Variants in ESYT2 observed in about 807,000 individuals in gnomAD.
ESYT2 encodes the protein extended synaptotagmin-2.
A neutral mutation model predicts 107.2 loss-of-function variants in ESYT2; 54 were observed. The ratio of observed to expected loss-of-function variants is 0.50; its 90% CI spans 0.40 to 0.63. The LOEUF is 0.63. ESYT2 is among the 30% of genes least tolerant of loss of function. The pLI is 0.00. For missense variants in ESYT2, 1,020 were observed against 1,094.5 expected (o/e 0.93, Z 0.96); for synonymous variants, 491 against 434.1 (o/e 1.13, Z -1.63).
Position 158,776,510 on chromosome 7 carries a change from G to A in ESYT2, c.748-3114C>T, listed in dbSNP as rs560530435. On this transcript the variant is annotated intron_variant, in intron 6 of 22. Coordinates refer to ENST00000275418, the MANE Select transcript of ESYT2 (RefSeq NM_001367773.1). Reference sequence around the variant, plus strand: ...TATGTTATGGAGATGGCTTCTTTCCGTGAACCTCATAAACCAACCTCTTCA... The same window carrying A: ...TATGTTATGGAGATGGCTTCTTTCCATGAACCTCATAAACCAACCTCTTCA... Among the ~76,000 whole-genome samples, 19 of 152,228 alleles carry A rather than the reference G, an allele frequency of 1.2e-4. No individual in the cohort carries two copies. The South Asian group carries it at 1.5e-3, about 12-fold the overall frequency.
chr7:158,782,385 G>GGTGAGT (rs147060839), intron 6 of ESYT2, among the ~76,000 whole-genome samples: 72,144 of 86,496 alleles, frequency 0.83, 31,137 homozygotes, highest in East Asian at 0.94. Context: ...AACAAAGTGA[G>GGTGAGT]GTAAGAACGA....
chr7:158,741,934 A>G (rs1837224185), intron 17 of ESYT2, 38 bp from the exon 18 acceptor site: 10 of 1,538,482 alleles, frequency 6.5e-6, no homozygotes, highest in Non-Finnish European at 8.7e-6. Flanking sequence ...AAACTTGGTG[A>G]CACTGGTAAC....
chr7:158,758,691 C>A (rs1837852913), intron 13 of ESYT2, among the ~76,000 whole-genome samples: 1 of 152,118 alleles, frequency 6.6e-6, no homozygotes, highest in South Asian at 2.1e-4. Flanking sequence ...ACACTGAGTG[C>A]CTAGTCAGCA....
intron 1 of ESYT2, among the ~76,000 whole-genome samples, chr7:158,801,621 C>T (rs1387868769): frequency 3.7e-5 from 5 of 135,074 alleles, no homozygotes; most frequent in Admixed American, 2.4e-4. Context: ...AACACAGATT[C>T]GGTTTTAAAT....
chr7:158,753,089 C>A (rs1386878701), intron 13 of ESYT2, among the ~76,000 whole-genome samples: 1 of 152,202 alleles, frequency 6.6e-6, no homozygotes, highest in African/African-American at 2.4e-5. Flanking sequence ...GATTAATATT[C>A]TTTTACTACC....
chr7:158,756,677 G>C (rs565860614), intron 13 of ESYT2, among the ~76,000 whole-genome samples: 1 of 152,076 alleles, frequency 6.6e-6, no homozygotes, highest in East Asian at 1.9e-4. Context: ...GGGAGGCCGA[G>C]GGGGGTGGAC....
At chr7:158,806,139 G>C (rs1335145253) in intron 1 of ESYT2, among the ~76,000 whole-genome samples, 71 of 23,056 alleles carry the variant, frequency 3.1e-3, no homozygotes, top group Non-Finnish European at 3.9e-3. Flanking sequence ...GAGGTGCCGG[G>C]GCACACCGCG....
chr7:158,751,778 T>C (rs903690154), intron 14 of ESYT2, among the ~76,000 whole-genome samples: 6 of 152,130 alleles, frequency 3.9e-5, no homozygotes, highest in African/African-American at 1.2e-4. Flanking sequence ...AGCAGTTGGG[T>C]TGCAATTTAA....
intron 6 of ESYT2, among the ~76,000 whole-genome samples, chr7:158,783,790 AGAC>A (rs1839011702): frequency 6.6e-6 from 1 of 152,216 alleles, no homozygotes; most frequent in Non-Finnish European, 1.5e-5. Context: ...CGGTGTGCAA[AGAC>A]GACCCCAGGG....
Position 158,765,975 on chromosome 7 carries a change from G to T in ESYT2, c.925-1122C>A, listed in dbSNP as rs7788602. Among the ~76,000 whole-genome samples the T allele has an allele frequency of 8.9e-3, 1,355 of 151,954 alleles. 17 individuals carry two copies. The highest frequency in any genetic ancestry group is 0.029 in the African/African-American group (1,219 of 41,434). On this transcript the variant is annotated intron_variant, in intron 8 of 22. Transcript: ENST00000275418. ...AGCACTTTGGGAGGCCGAGGTGGGC[G>T]GATCATGAGGTCAGGAGATCGAGAC...
chr7:158,807,018 T>C (rs911159419), intron 1 of ESYT2, among the ~76,000 whole-genome samples: 2 of 151,860 alleles, frequency 1.3e-5, no homozygotes, highest in African/African-American at 2.4e-5. Flanking sequence ...ATATAGTTTA[T>C]TCTAATATAT....
At chr7:158,807,626 T>G (rs1453818876) in intron 1 of ESYT2, among the ~76,000 whole-genome samples, 1 of 152,224 alleles carries the variant, frequency 6.6e-6, no homozygotes, top group Non-Finnish European at 1.5e-5. Flanking sequence ...AATTATAGCC[T>G]GTGTGCCTCA....
intron 1 of ESYT2, among the ~76,000 whole-genome samples, chr7:158,804,669 G>A (rs1056475767): frequency 2.6e-5 from 4 of 151,574 alleles, no homozygotes; most frequent in African/African-American, 9.7e-5. Context: ...TGAGGCACGT[G>A]ACAAACCCAA....
At chr7:158,793,790 A>G (rs1839379313) in intron 3 of ESYT2, 64 bp from the exon 4 acceptor site, 13 of 1,259,198 alleles carry the variant, frequency 1.0e-5, no homozygotes, top group Non-Finnish European at 1.5e-5. Flanking sequence ...ACCGTGTAAC[A>G]TACCATAGAG....
intron 9 of ESYT2, among the ~76,000 whole-genome samples, 169 bp from the exon 10 acceptor site, chr7:158,763,334 T>A (rs991300343): frequency 6.6e-6 from 1 of 152,108 alleles, no homozygotes; most frequent in Non-Finnish European, 1.5e-5. Flanking sequence ...TCGCTCTATC[T>A]CCCAGGTTGG....
intron 1 of ESYT2, among the ~76,000 whole-genome samples, chr7:158,827,372 T>C (rs532861161): frequency 1.2e-4 from 18 of 152,152 alleles, no homozygotes; most frequent in Admixed American, 2.0e-4. Context: ...TTTAGTATTA[T>C]GCATCTTAGT....
intron 1 of ESYT2, among the ~76,000 whole-genome samples, chr7:158,806,798 T>C (rs1242148027): frequency 1.3e-5 from 2 of 152,244 alleles, no homozygotes; most frequent in African/African-American, 4.8e-5. Flanking sequence ...AGGAAATCTG[T>C]CTTCTCATCT....
chr7:158,777,295 G>A (rs956306031), intron 6 of ESYT2, among the ~76,000 whole-genome samples: 1 of 152,176 alleles, frequency 6.6e-6, no homozygotes, highest in Admixed American at 6.5e-5. Context: ...GGAGACATAG[G>A]AGAACAGTCA....
chr7:158,736,234 C>A (rs568533890), intron 20 of ESYT2, among the ~76,000 whole-genome samples: 10 of 151,042 alleles, frequency 6.6e-5, no homozygotes, highest in African/African-American at 2.0e-4. Context: ...CCTCATCGGG[C>A]TGATGCACGC....
Sources: gnomAD v4.1 joint callset for allele counts (sites outside exome capture counted in the v4.1 genomes callset) on GRCh38, gnomAD v4.1.1 for gene constraint, MANE v1.5 for transcripts, NCBI Gene and HGNC (gene_info 2026-07-23, HGNC 2026-07-21) for gene names.